GLMN: variants seen among roughly 807,000 people sequenced by gnomAD.
GLMN encodes the protein glomulin, FKBP associated protein.
Under a neutral mutation model 87.8 loss-of-function variants are expected in GLMN, and 75 were observed. The ratio of observed to expected loss-of-function variants is 0.85; its 90% CI spans 0.71 to 1.04. GLMN has a LOEUF of 1.04. Ranked by LOEUF, GLMN falls within the 50% of genes least tolerant of loss-of-function variation. The pLI, the probability that GLMN is intolerant of heterozygous loss-of-function variation, is 0.00. For synonymous variants in GLMN, 206 were observed against 221.6 expected (o/e 0.93, Z 0.63); for missense variants, 588 against 658.8 (o/e 0.89, Z 1.18).
the GLMN span, among the ~76,000 whole-genome samples, chr1:92,360,933 G>A: frequency 4.6e-5 from 7 of 151,982 alleles, no homozygotes; most frequent in Non-Finnish European, 1.5e-5. Flanking sequence ...CTGAGCTTGA[G>A]TTGTACAGCC....
intron 18 of GLMN, 47 bp downstream of exon 18, chr1:92,247,015 C>A (rs762334917): frequency 2.3e-5 from 23 of 1,007,416 alleles, no homozygotes; most frequent in African/African-American, 4.8e-5. Flanking sequence ...ATAGCAAGAC[C>A]CCGTTTCTAA....
chr1:92,276,273 T>C (rs1218607727), intron 7 of GLMN, among the ~76,000 whole-genome samples: 1 of 151,568 alleles, frequency 6.6e-6, no homozygotes, highest in Non-Finnish European at 1.5e-5. Context: ...TAAATATACA[T>C]ATATTTACAT....
upstream of GLMN, among the ~76,000 whole-genome samples, chr1:92,301,110 T>G (rs1178350608): frequency 6.6e-6 from 1 of 152,192 alleles, no homozygotes; most frequent in Non-Finnish European, 1.5e-5. Context: ...AAAGAGTATA[T>G]AAAGACTTAT....
the GLMN span, among the ~76,000 whole-genome samples, chr1:92,354,080 A>G: frequency 6.6e-6 from 1 of 152,164 alleles, no homozygotes; most frequent in Non-Finnish European, 1.5e-5. Context: ...CCCAAGCAGC[A>G]GCAGTGGTGG....
intron 16 of GLMN, among the ~76,000 whole-genome samples, chr1:92,255,125 A>G (rs1189795038): frequency 1.3e-5 from 2 of 152,336 alleles, no homozygotes; most frequent in Admixed American, 6.5e-5. Flanking sequence ...GTCTGATAAA[A>G]CAGACTTTAA....
At chr1:92,278,600 T>TC (rs1317909293) in intron 7 of GLMN, among the ~76,000 whole-genome samples, 1 of 152,190 alleles carries the variant, frequency 6.6e-6, no homozygotes, top group African/African-American at 2.4e-5. Context: ...ACTGTATTTT[T>TC]CATCTATACC....
the GLMN span, among the ~76,000 whole-genome samples, chr1:92,329,438 A>C: frequency 2.0e-5 from 3 of 151,932 alleles, no homozygotes; most frequent in Non-Finnish European, 2.9e-5. Flanking sequence ...GGCCAGACTC[A>C]CTCCCACCGT....
intron 16 of GLMN, among the ~76,000 whole-genome samples, chr1:92,251,063 G>GA (rs2100787716): frequency 6.6e-6 from 1 of 152,062 alleles, no homozygotes; most frequent in African/African-American, 2.4e-5. Context: ...GCCATAAGTG[G>GA]AATTAAAACT....
intron 14 of GLMN, among the ~76,000 whole-genome samples, chr1:92,263,948 C>T (rs113709612): frequency 3.9e-5 from 6 of 152,282 alleles, no homozygotes; most frequent in African/African-American, 9.6e-5. Context: ...TTACTGAGCA[C>T]TCAGAAACAG....
Position 92,298,854 on chromosome 1 carries a change from A to G in GLMN, c.-31+71T>C, listed in dbSNP as rs1650511632. 7 of 399,102 alleles carry G rather than the reference A, an allele frequency of 1.8e-5. No homozygotes were observed. In the East Asian group the frequency reaches 2.5e-4, roughly 14 times the overall value. 24.7% of individuals were successfully genotyped at this position (399,102 alleles called of 1,614,324 possible). A position where few individuals can be genotyped will look rare whatever the true frequency, so the allele number is the denominator to read the frequency against. ...TCGCGTGGCCTAGTCGGCCCGCAGC[A>G]CCAAGTCCGCCGCGGCTCACGGCCA... is the stretch of plus-strand genomic sequence containing the variant. On this transcript the variant is annotated intron_variant, in intron 1 of 18. Transcript: ENST00000370360.
the GLMN span, chr1:92,323,800 A>G: frequency 6.2e-7 from 1 of 1,614,080 alleles, no homozygotes; most frequent in East Asian, 2.2e-5. Flanking sequence ...TCCTTTACAG[A>G]AAGTAAATAC....
At chr1:92,319,508 G>C in the GLMN span, among the ~76,000 whole-genome samples, 1 of 152,060 alleles carries the variant, frequency 6.6e-6, no homozygotes, top group Non-Finnish European at 1.5e-5. Context: ...GCTCACACCT[G>C]GTAATCCCAG....
the GLMN span, among the ~76,000 whole-genome samples, chr1:92,351,077 G>A: frequency 3.3e-5 from 5 of 152,164 alleles, no homozygotes; most frequent in East Asian, 5.8e-4. Context: ...GGGAAGCCGA[G>A]ACAGGTGGAT....
intron 16 of GLMN, among the ~76,000 whole-genome samples, chr1:92,259,106 T>C (rs1026953412): frequency 1.3e-5 from 2 of 152,138 alleles, no homozygotes; most frequent in Non-Finnish European, 2.9e-5. Context: ...CTACATACTA[T>C]AATTACAAAC....
chr1:92,281,013 G>A (rs1647973482), intron 7 of GLMN, among the ~76,000 whole-genome samples: 1 of 152,214 alleles, frequency 6.6e-6, no homozygotes, highest in African/African-American at 2.4e-5. Context: ...GAAAGTGACA[G>A]GGAGAATGGA....
At chr1:92,252,699 C>T (rs780038067) in intron 16 of GLMN, among the ~76,000 whole-genome samples, 3 of 151,548 alleles carry the variant, frequency 2.0e-5, no homozygotes, top group East Asian at 1.9e-4. Flanking sequence ...GTTACCAGAT[C>T]GTTTTTAAAG....
upstream of GLMN, among the ~76,000 whole-genome samples, chr1:92,303,410 G>C (rs1018848749): frequency 6.6e-6 from 1 of 152,084 alleles, no homozygotes; most frequent in African/African-American, 2.4e-5. Flanking sequence ...AAAATTATTT[G>C]ATCATGAAGA....
intron 18 of GLMN, among the ~76,000 whole-genome samples, chr1:92,246,849 A>C (rs188290801): frequency 6.6e-6 from 1 of 152,202 alleles, no homozygotes; most frequent in Non-Finnish European, 1.5e-5. Context: ...TGAGCAACAT[A>C]GTGAGACCCT....
chr1:92,293,912 G>A (rs1649724775), intron 3 of GLMN, among the ~76,000 whole-genome samples: 1 of 151,276 alleles, frequency 6.6e-6, no homozygotes, highest in Non-Finnish European at 1.5e-5. Flanking sequence ...CAAAACAACT[G>A]AACTCACGGA....
Sources: allele counts gnomAD v4.1 joint callset (sites outside exome capture counted in the v4.1 genomes callset), GRCh38; gene constraint gnomAD v4.1.1; transcripts MANE v1.5; gene names NCBI Gene and HGNC (gene_info 2026-07-23, HGNC 2026-07-21).